The following MTA3 variants were observed in gnomAD, a reference collection of about 807,000 sequenced individuals.
The protein encoded by MTA3 is metastasis-associated protein MTA3.
MTA3 carries 34 observed loss-of-function variants against 83.5 expected under a neutral mutation model. The ratio of observed to expected loss-of-function variants is 0.41; its 90% confidence interval spans 0.31 to 0.54. The LOEUF is 0.54. Among genes scored for constraint, MTA3 ranks in the 20% least tolerant of loss-of-function variants. The pLI, the probability that MTA3 is intolerant of heterozygous loss-of-function variation, is 0.33. For synonymous variants in MTA3, 303 were observed against 252.7 expected, an observed-to-expected ratio of 1.20 and a Z score of -1.89; for missense variants, 761 against 726.4, an observed-to-expected ratio of 1.05 and a Z score of -0.55.
chr2:42,581,123 T>C (rs1367965922), intron 3 of MTA3, among the ~76,000 whole-genome samples: 2 of 152,190 alleles, frequency 1.3e-5, no homozygotes, highest in African/African-American at 4.8e-5. Flanking sequence ...GTATAGAAAG[T>C]GTTCATTATT....
Position 42,753,994 on chromosome 2 carries a change from C to G in MTA3, c.*595C>G. 1.0e-6 allele frequency: 1 copy of G among 985,458 alleles called. No homozygotes were observed. The allele number at this position is 985,458 out of a possible 1,614,324, so 61.0% of individuals were successfully genotyped here. On this transcript the variant is annotated 3_prime_UTR_variant, in exon 17 of 17. Coordinates refer to ENST00000405094, the MANE Select transcript of MTA3 (RefSeq NM_001330442.2). ...AATTTGCTGTTTACCCTCTGCATTC[C>G]TATATGTGACCCTCCCTCCTACTCC...
intron 14 of MTA3, among the ~76,000 whole-genome samples, chr2:42,718,425 T>C (rs1018145869): frequency 6.6e-6 from 1 of 151,802 alleles, no homozygotes; most frequent in Non-Finnish European, 1.5e-5. Context: ...TTTTGTGTTT[T>C]AGTAGAGATG....
chr2:42,597,836 G>C (rs974581386), intron 3 of MTA3, among the ~76,000 whole-genome samples: 3 of 150,870 alleles, frequency 2.0e-5, no homozygotes, highest in East Asian at 3.9e-4. Context: ...GTGTGTCATC[G>C]TGTCTGGTTA....
intron 3 of MTA3, among the ~76,000 whole-genome samples, chr2:42,594,506 G>A (rs954042678): frequency 1.3e-5 from 2 of 150,182 alleles, no homozygotes; most frequent in Admixed American, 6.7e-5. Context: ...CCAAAGTGCC[G>A]GGATTACAGG....
intron 2 of MTA3, among the ~76,000 whole-genome samples, chr2:42,507,617 G>T: frequency 6.7e-6 from 1 of 148,952 alleles, no homozygotes; most frequent in Non-Finnish European, 1.5e-5. Context: ...AAAAGATTAT[G>T]TTTTTAATGA....
intron 16 of MTA3, among the ~76,000 whole-genome samples, chr2:42,751,394 T>C (rs972305678): frequency 5.9e-5 from 9 of 152,184 alleles, no homozygotes; most frequent in Non-Finnish European, 2.9e-5. Context: ...AGACTGAGAA[T>C]TGATGTAGAC....
intron 3 of MTA3, among the ~76,000 whole-genome samples, chr2:42,590,870 C>T (rs1243414074): frequency 6.6e-6 from 1 of 152,122 alleles, no homozygotes; most frequent in Non-Finnish European, 1.5e-5. Context: ...ATCTGCCCGC[C>T]TGTTTGCTTT....
At position 42,753,803 on chromosome 2, in the gene MTA3, G is replaced by A. The variant is rs1670057620; in HGVS notation, c.*404G>A. The A allele has an allele frequency of 8.8e-6, 9 of 1,025,288 alleles. No homozygotes were observed. The South Asian group carries it at 2.7e-4, about 31-fold the overall frequency. The allele number at this position is 1,025,288 out of a possible 1,614,324, so 63.5% of individuals were successfully genotyped here. On this transcript the variant is annotated 3_prime_UTR_variant, in exon 17 of 17. Transcript: ENST00000405094. Reference sequence around the variant, plus strand: ...TGTCCGCTCAGCTCGGTCTTATGCTGTATAGTTACTAAATATGTACAGGAG... The same window carrying A: ...TGTCCGCTCAGCTCGGTCTTATGCTATATAGTTACTAAATATGTACAGGAG...
chr2:42,548,627 T>C (rs191988555), intron 2 of MTA3, among the ~76,000 whole-genome samples: 4 of 145,248 alleles, frequency 2.8e-5, no homozygotes, highest in South Asian at 2.2e-4. Flanking sequence ...ACGCCATCTC[T>C]ACAGAAAACT....
At chr2:42,700,398 T>C (rs1013255215) in intron 11 of MTA3, among the ~76,000 whole-genome samples, 1 of 152,242 alleles carries the variant, frequency 6.6e-6, no homozygotes, top group Non-Finnish European at 1.5e-5. Context: ...GAACATATTT[T>C]ATGTGATTCA....
chr2:42,574,047 A>C (rs1678775144), intron 2 of MTA3, among the ~76,000 whole-genome samples: 2 of 150,556 alleles, frequency 1.3e-5, no homozygotes, highest in Non-Finnish European at 2.9e-5. Context: ...CGTGTTAGCC[A>C]GGATGGTCTC....
At chr2:42,598,825 T>C (rs986172298) in intron 3 of MTA3, among the ~76,000 whole-genome samples, 17 of 152,144 alleles carry the variant, frequency 1.1e-4, no homozygotes, top group African/African-American at 3.9e-4. Flanking sequence ...CAGAAAACAG[T>C]AGCTTTGACT....
intron 2 of MTA3, among the ~76,000 whole-genome samples, chr2:42,563,143 T>C (rs1677746797): frequency 6.6e-6 from 1 of 152,124 alleles, no homozygotes; most frequent in South Asian, 2.1e-4. Context: ...ATCTCCACCC[T>C]TTCTAATCCA....
At chr2:42,651,765 A>C (rs1688736622) in intron 6 of MTA3, among the ~76,000 whole-genome samples, 2 of 149,548 alleles carry the variant, frequency 1.3e-5, no homozygotes. Flanking sequence ...CCGCCACTGT[A>C]CTCCAGCCTG....
intron 2 of MTA3, among the ~76,000 whole-genome samples, chr2:42,563,235 T>C (rs1299382992): frequency 6.6e-6 from 1 of 152,176 alleles, no homozygotes; most frequent in African/African-American, 2.4e-5. Flanking sequence ...TTGATTCTTT[T>C]TCTTGACCCT....
intron 16 of MTA3, among the ~76,000 whole-genome samples, chr2:42,751,248 AAAAAC>A (rs1205726275): frequency 1.4e-4 from 21 of 152,320 alleles, no homozygotes; most frequent in African/African-American, 5.1e-4. Context: ...AAATTTTGCA[AAAAAC>A]AAACAAACAA....
intron 16 of MTA3, among the ~76,000 whole-genome samples, chr2:42,732,805 A>ATT (rs1346942223): frequency 2.6e-5 from 4 of 152,188 alleles, no homozygotes; most frequent in Non-Finnish European, 1.5e-5. Flanking sequence ...ATCTTTCTCA[A>ATT]GTTCAAAGTT....
At chr2:42,605,809 C>G (rs1268451115) in intron 3 of MTA3, among the ~76,000 whole-genome samples, 13 of 131,024 alleles carry the variant, frequency 9.9e-5, no homozygotes, top group Middle Eastern at 5.3e-3. Context: ...CGCCCCTCAG[C>G]TCCCAGACGG....
At chr2:42,751,660 A>G (rs1005602159) in intron 16 of MTA3, among the ~76,000 whole-genome samples, 4 of 152,206 alleles carry the variant, frequency 2.6e-5, no homozygotes, top group African/African-American at 9.6e-5. Context: ...AGATGCTAGG[A>G]GGAGAGGGTT....
Sources: gnomAD v4.1 joint callset for allele counts (sites outside exome capture counted in the v4.1 genomes callset) on GRCh38, gnomAD v4.1.1 for gene constraint, MANE v1.5 for transcripts, NCBI Gene and HGNC (gene_info 2026-07-23, HGNC 2026-07-21) for gene names.